Variants in WDR64 observed in about 807,000 individuals in gnomAD.
WDR64 encodes the protein WD repeat-containing protein 64.
A neutral mutation model predicts 139.3 loss-of-function variants in WDR64; 112 were observed. The observed-to-expected ratio is 0.80, with a 90% CI of 0.69 to 0.94. The LOEUF is 0.94. Among genes scored for constraint, WDR64 ranks in the 40% least tolerant of loss-of-function variants. The pLI is 0.00. For missense variants in WDR64, 1,206 were observed against 1,293.1 expected, an observed-to-expected ratio of 0.93 and a Z score of 1.03; for synonymous variants, 444 against 437.7, an observed-to-expected ratio of 1.01 and a Z score of -0.18.
chr1:241,783,218 AT>A (rs1455957145), intron 22 of WDR64, 53 bp from the exon 23 acceptor site: 1 of 1,467,884 alleles, frequency 6.8e-7, no homozygotes, highest in East Asian at 2.3e-5. Context: ...TGAAGATTAC[AT>A]TTTTACTAGC....
intron 9 of WDR64, among the ~76,000 whole-genome samples, chr1:241,719,243 A>G (rs1225602467): frequency 6.6e-6 from 1 of 152,148 alleles, no homozygotes; most frequent in South Asian, 2.1e-4. Context: ...GCTGTGATTC[A>G]TCATCCCAAC....
intron 10 of WDR64, among the ~76,000 whole-genome samples, chr1:241,727,093 T>G (rs7532921): frequency 0.81 from 122,970 of 151,840 alleles, 49,988 homozygotes; most frequent in Non-Finnish European, 0.84. Context: ...CGTCATGTTG[T>G]CCAGGCTGGT....
intron 10 of WDR64, among the ~76,000 whole-genome samples, chr1:241,727,533 GGTCA>G (rs1252471646): frequency 6.6e-6 from 1 of 152,154 alleles, no homozygotes; most frequent in Admixed American, 6.6e-5. Flanking sequence ...GATGAAAGGA[GGTCA>G]TTCATTTGGT....
intron 15 of WDR64, among the ~76,000 whole-genome samples, chr1:241,762,932 G>C (rs1212695837): frequency 6.6e-6 from 1 of 152,110 alleles, no homozygotes; most frequent in Admixed American, 6.6e-5. Flanking sequence ...TAGTTTAAAT[G>C]ATAAGTAGGT....
intron 1 of WDR64, among the ~76,000 whole-genome samples, chr1:241,658,340 C>G (rs1304993202): frequency 6.7e-6 from 1 of 149,706 alleles, no homozygotes; most frequent in African/African-American, 2.5e-5. Context: ...GTTTAAGAAC[C>G]AGTTAAGAAT....
At chr1:241,658,544 T>G (rs1665698581) in intron 1 of WDR64, among the ~76,000 whole-genome samples, 2 of 148,422 alleles carry the variant, frequency 1.3e-5, no homozygotes, top group Non-Finnish European at 3.0e-5. Flanking sequence ...GGGGTTGAGC[T>G]GGGAGGATCA....
chr1:241,782,771 T>TAATA (rs1440668350), intron 22 of WDR64, among the ~76,000 whole-genome samples: 1 of 152,200 alleles, frequency 6.6e-6, no homozygotes, highest in Non-Finnish European at 1.5e-5. Flanking sequence ...CAACTACTTA[T>TAATA]AGCATGTATC....
At position 241,776,418 on chromosome 1, in the gene WDR64, C is replaced by T. The variant is rs188894122; in HGVS notation, c.2536+1208C>T. ...ATAAAAAAGTTACAACAAACCATTT[C>T]GTACTGTCAATTGAGTCGTCTGGAC... On this transcript the variant is annotated intron_variant, in intron 21 of 27. Coordinates refer to ENST00000437684, the MANE Select transcript of WDR64 (RefSeq NM_001367482.1). Among the ~76,000 whole-genome samples, 476 of 152,194 alleles carry T rather than the reference C, an allele frequency of 3.1e-3. 2 individuals carry two copies. Among genetic ancestry groups the T allele is most frequent in the Non-Finnish European group, 4.8e-3 (325 of 68,002 alleles).
At chr1:241,682,265 G>T (rs553457917) in intron 6 of WDR64, among the ~76,000 whole-genome samples, 52 of 152,270 alleles carry the variant, frequency 3.4e-4, no homozygotes, top group Admixed American at 6.5e-4. Context: ...TCAGGTCTTA[G>T]ATTTAAGTCC....
At chr1:241,708,703 T>TG (rs1491204164) in intron 8 of WDR64, among the ~76,000 whole-genome samples, 1 of 101,326 alleles carries the variant, frequency 9.9e-6, no homozygotes, top group East Asian at 2.6e-4. Flanking sequence ...TTTTTTTTTT[T>TG]GTTTTTTTGT....
intron 9 of WDR64, among the ~76,000 whole-genome samples, chr1:241,717,652 C>CA (rs961519624): frequency 2.2e-4 from 34 of 151,656 alleles, no homozygotes; most frequent in East Asian, 9.7e-4. Flanking sequence ...TAGAAAGCAA[C>CA]AAAAAAACAG....
intron 8 of WDR64, among the ~76,000 whole-genome samples, chr1:241,695,346 G>C (rs1330986663): frequency 6.6e-6 from 1 of 152,010 alleles, no homozygotes; most frequent in African/African-American, 2.4e-5. Flanking sequence ...TCCATGTTTA[G>C]AGATGTCACA....
chr1:241,655,952 A>T (rs1237410244), intron 1 of WDR64, among the ~76,000 whole-genome samples: 2 of 152,160 alleles, frequency 1.3e-5, no homozygotes, highest in African/African-American at 4.8e-5. Context: ...AGGCTTTGTG[A>T]ACCTCAGGCT....
At chr1:241,784,976 A>AAAAAAAAAAAAAAAAAATG (rs138513526) in intron 23 of WDR64, among the ~76,000 whole-genome samples, 1 of 98,474 alleles carries the variant, frequency 1.0e-5, no homozygotes. Flanking sequence ...AAAAAAAAAA[A>AAAAAAAAAAAAAAAAAATG]GAAAGGACAT....
Position 241,766,340 on chromosome 1 carries a change from T to G in WDR64, c.2070T>G (p.Thr690=). ...VIILWNFVTS[T]VKKVYRPEDC... The stretch of plus-strand genomic sequence containing the variant: ...TCTTATGGAATTTTGTGACGTCTAC[T>G]GTCAAAAAAGTGTAAGTTGTGTATT... The change falls in exon 16 of 28, where the codon ACT becomes ACG. Residue 690 remains threonine (T), a synonymous_variant. Transcript: ENST00000437684. 1 of 1,613,906 alleles carries G rather than the reference T, an allele frequency of 6.2e-7. No individual in the cohort carries two copies. Among genetic ancestry groups the G allele is most frequent in the Non-Finnish European group, 8.5e-7 (1 of 1,179,906 alleles).
chr1:241,770,179 C>T (rs1176244046), intron 17 of WDR64, among the ~76,000 whole-genome samples: 4 of 152,126 alleles, frequency 2.6e-5, no homozygotes, highest in African/African-American at 7.2e-5. Flanking sequence ...ATTCTGTAGA[C>T]ATCTGCACCA....
chr1:241,688,057 T>C (rs1209960777), intron 8 of WDR64, among the ~76,000 whole-genome samples: 1 of 152,220 alleles, frequency 6.6e-6, no homozygotes, highest in Admixed American at 6.5e-5. Context: ...TGGTTAAATA[T>C]GTATTAATAA....
intron 8 of WDR64, among the ~76,000 whole-genome samples, chr1:241,700,544 G>A (rs1667672342): frequency 6.6e-6 from 1 of 152,170 alleles, no homozygotes; most frequent in Non-Finnish European, 1.5e-5. Context: ...GCTTCTGGCT[G>A]GGAGGACAGT....
intron 11 of WDR64, among the ~76,000 whole-genome samples, chr1:241,739,465 G>A (rs1345429169): frequency 6.6e-6 from 1 of 152,110 alleles, no homozygotes; most frequent in Non-Finnish European, 1.5e-5. Flanking sequence ...GATTAGGAGT[G>A]AACTAGCACT....
Sources: gnomAD v4.1 joint callset for allele counts (sites outside exome capture counted in the v4.1 genomes callset) on GRCh38, gnomAD v4.1.1 for gene constraint, MANE v1.5 for transcripts, NCBI Gene and HGNC (gene_info 2026-07-23, HGNC 2026-07-21) for gene names.